Variants in GRID2IP observed in about 807,000 individuals in gnomAD.
The protein encoded by GRID2IP is Grid2 interacting protein.
A neutral mutation model predicts 114.3 loss-of-function variants in GRID2IP; 78 were observed. The ratio of observed to expected loss-of-function variants is 0.68; its 90% confidence interval spans 0.57 to 0.82. GRID2IP has a LOEUF of 0.82. Ranked by LOEUF, GRID2IP falls within the 40% of genes least tolerant of loss-of-function variation. GRID2IP has a pLI of 0.00. For synonymous variants in GRID2IP, 809 were observed against 724.0 expected, an observed-to-expected ratio of 1.12 and a Z score of -1.89; for missense variants, 1,727 against 1,678.5, an observed-to-expected ratio of 1.03 and a Z score of -0.51.
chr7:6,505,169 G>C (rs947419409), intron 14 of GRID2IP, among the ~76,000 whole-genome samples: 1 of 152,246 alleles, frequency 6.6e-6, no homozygotes, highest in Middle Eastern at 3.4e-3. Flanking sequence ...GAAGGGGTGA[G>C]GGCAAGAGAG....
At chr7:6,540,998 G>A (rs1389885050) in intron 1 of GRID2IP, among the ~76,000 whole-genome samples, 8 of 151,842 alleles carry the variant, frequency 5.3e-5, no homozygotes, top group Admixed American at 4.6e-4. Flanking sequence ...CTACATGCTT[G>A]GCTAATCTGT....
At chr7:6,498,904 C>G (rs1786337151) in intron 20 of GRID2IP, among the ~76,000 whole-genome samples, 1 of 152,048 alleles carries the variant, frequency 6.6e-6, no homozygotes, top group African/African-American at 2.4e-5. Flanking sequence ...ACTCTGTTTT[C>G]TAGAGCATTT....
intron 1 of GRID2IP, among the ~76,000 whole-genome samples, chr7:6,541,429 T>C (rs1469799289): frequency 2.6e-5 from 4 of 152,194 alleles, no homozygotes; most frequent in Non-Finnish European, 5.9e-5. Context: ...ACATTCTGAC[T>C]CCACAAAAAA....
Position 6,537,395 on chromosome 7 carries a change from T to G in GRID2IP, c.584+2323A>C, listed in dbSNP as rs1476031196. On this transcript the variant is annotated intron_variant, in intron 2 of 21. Transcript: ENST00000457091. ...CTTTTTTTTTTTTTTTTTTTTTTTT[T>G]GAGACAGAGTCTTGCTCTGTTGGCA... Among the ~76,000 whole-genome samples, 418 of 114,152 alleles carry G rather than the reference T, an allele frequency of 3.7e-3. 5 individuals carry two copies. Among genetic ancestry groups the G allele is most frequent in the African/African-American group, 0.012 (400 of 34,120 alleles). 74.9% of individuals were successfully genotyped at this position (114,152 alleles called of 152,430 possible).
At chr7:6,525,150 T>TA (rs1197400942) in intron 4 of GRID2IP, among the ~76,000 whole-genome samples, 3 of 151,160 alleles carry the variant, frequency 2.0e-5, no homozygotes, top group Non-Finnish European at 3.0e-5. Context: ...ACTAAAAATA[T>TA]AAAAAAATTA....
chr7:6,547,042 G>A (rs1006364972), intron 1 of GRID2IP, among the ~76,000 whole-genome samples: 2 of 152,174 alleles, frequency 1.3e-5, no homozygotes, highest in Admixed American at 1.3e-4. Context: ...AATGAGCATT[G>A]AGGACAGGTG....
Position 6,526,588 on chromosome 7 carries a change from C to G in GRID2IP, c.766G>C (p.Asp256His). Residue 256 changes from aspartate (D) to histidine (H), a missense_variant, in exon 3 of 22, where the codon GAT (aspartate) becomes CAT (histidine). Transcript: ENST00000457091. The surrounding 1 kb of genome is among the most constrained non-coding windows in gnomAD (Gnocchi z 7.6). ...GAGGCCCTGCGCGGGGGCGGCTCAT[C>G]GGGGCGGCGCGGCGGGGCGCTGGCG... ...TRASAPPRRP[D>H]EPPPRRASLL... The G allele has an allele frequency of 1.7e-6, 2 of 1,192,488 alleles. No homozygotes were observed. Among genetic ancestry groups the G allele is most frequent in the Non-Finnish European group, 2.1e-6 (2 of 963,536 alleles). The allele number at this position is 1,192,488 out of a possible 1,614,324, so 73.9% of individuals were successfully genotyped here.
At chr7:6,512,109 G>T (rs1245888599) in intron 8 of GRID2IP, among the ~76,000 whole-genome samples, 1 of 150,222 alleles carries the variant, frequency 6.7e-6, no homozygotes, top group Non-Finnish European at 1.5e-5. Context: ...CAGAGATGGG[G>T]TTTCACCATA....
chr7:6,525,231 T>C (rs975525616), intron 4 of GRID2IP, among the ~76,000 whole-genome samples: 1 of 151,734 alleles, frequency 6.6e-6, no homozygotes, highest in Non-Finnish European at 1.5e-5. Flanking sequence ...CGCTTGCACC[T>C]GGGAGGCAGA....
intron 20 of GRID2IP, among the ~76,000 whole-genome samples, chr7:6,498,495 G>T (rs551859218): frequency 6.6e-6 from 1 of 151,050 alleles, no homozygotes. Flanking sequence ...CTGGGTCTCT[G>T]ATCAGAGGCT....
At position 6,534,215 on chromosome 7, in the gene GRID2IP, G is replaced by A. The variant is rs1205702489; in HGVS notation, c.584+5503C>T. 3.3e-5 allele frequency among the ~76,000 whole-genome samples: 5 copies of A among 152,168 alleles called. No individual in the cohort carries two copies. The highest frequency in any genetic ancestry group is 7.4e-5 in the Non-Finnish European group (5 of 68,008). ...CAGTGAGTGGACCTGTATTCAAGCC[G>A]GGTCTGTCCGGATTCCGAATCCCAG... On this transcript the variant is annotated intron_variant, in intron 2 of 21. Transcript: ENST00000457091. The surrounding 1 kb of genome is among the most constrained non-coding windows in gnomAD (Gnocchi z 4.5).
intron 16 of GRID2IP, 142 bp downstream of exon 16, chr7:6,503,349 C>A: frequency 9.9e-7 from 1 of 1,006,084 alleles, no homozygotes; most frequent in Non-Finnish European, 1.4e-6. Context: ...AGGACCCGGC[C>A]ATTAAAGGTG....
chr7:6,540,981 T>A (rs1779808141), intron 1 of GRID2IP, among the ~76,000 whole-genome samples: 1 of 152,104 alleles, frequency 6.6e-6, no homozygotes, highest in Admixed American at 6.6e-5. Flanking sequence ...GGACCACAAG[T>A]ATGTGCCTAC....
chr7:6,534,857 T>G lies in GRID2IP; in HGVS notation c.584+4861A>C, dbSNP rs1583350841. ...AGCCTCCCAAAGTAGCTGGGATTAC[T>G]GGCAACTGCCATCATGCCCAGCTAA... On this transcript the variant is annotated intron_variant, in intron 2 of 21. Coordinates refer to ENST00000457091, the MANE Select transcript of GRID2IP (RefSeq NM_001145118.2). This position sits in a 1 kb window ranked among gnomAD's most constrained non-coding sequence, Gnocchi z 4.5. Among the ~76,000 whole-genome samples, 1 of 152,036 alleles carries G rather than the reference T, an allele frequency of 6.6e-6. No homozygotes were observed. Among genetic ancestry groups the G allele is most frequent in the Non-Finnish European group, 1.5e-5 (1 of 68,004 alleles).
intron 1 of GRID2IP, among the ~76,000 whole-genome samples, chr7:6,548,699 G>T (rs1779922459): frequency 6.6e-6 from 1 of 151,610 alleles, no homozygotes; most frequent in South Asian, 2.1e-4. Flanking sequence ...AAAAATAGCT[G>T]GCCATGGTGG....
chr7:6,525,224 T>C (rs964386899), intron 4 of GRID2IP, among the ~76,000 whole-genome samples: 1 of 151,782 alleles, frequency 6.6e-6, no homozygotes, highest in Non-Finnish European at 1.5e-5. Context: ...GGAGAATCGC[T>C]TGCACCTGGG....
At chr7:6,543,932 G>A (rs2115100485) in intron 1 of GRID2IP, among the ~76,000 whole-genome samples, 1 of 152,092 alleles carries the variant, frequency 6.6e-6, no homozygotes, top group South Asian at 2.1e-4. Context: ...AAGTAGCTGG[G>A]ATTATAGGCA....
Position 6,536,367 on chromosome 7 carries a change from C to T in GRID2IP, c.584+3351G>A, listed in dbSNP as rs1482243212. On this transcript the variant is annotated intron_variant, in intron 2 of 21. Transcript: ENST00000457091. The surrounding 1 kb of genome is among the most constrained non-coding windows in gnomAD (Gnocchi z 5.3). ...ACTGGGCATCCCCAGGTGTCCAGGG[C>T]TCCCGCTGCCCAGGCTCTAAATCGA... is the stretch of plus-strand genomic sequence containing the variant. Among the ~76,000 whole-genome samples the T allele has an allele frequency of 6.6e-6, 1 of 152,258 alleles. No individual in the cohort carries two copies. The highest frequency in any genetic ancestry group is 1.5e-5 in the Non-Finnish European group (1 of 68,048).
rs1002058584 is a variant in GRID2IP, at chr7:6,534,138, C to T, written c.584+5580G>A. Among the ~76,000 whole-genome samples, 43 of 152,094 alleles carry T rather than the reference C, an allele frequency of 2.8e-4. 2 individuals are homozygous for T. The highest frequency in any genetic ancestry group is 3.5e-4 in the Non-Finnish European group (24 of 68,030). ...GAGAACACCCAGAAACTACCAAGCC[C>T]GTTTTACAGACAAACTGTAGATGTC... On this transcript the variant is annotated intron_variant, in intron 2 of 21. Transcript: ENST00000457091. This position sits in a 1 kb window ranked among gnomAD's most constrained non-coding sequence, Gnocchi z 4.5.
Sources: gnomAD v4.1 joint callset for allele counts (sites outside exome capture counted in the v4.1 genomes callset) on GRCh38, gnomAD v4.1.1 for gene constraint, Gnocchi (gnomAD v3.1) non-coding constraint, MANE v1.5 for transcripts, NCBI Gene and HGNC (gene_info 2026-07-23, HGNC 2026-07-21) for gene names.